ZFHX3: variants seen among roughly 807,000 people sequenced by gnomAD.
ZFHX3 encodes zinc finger homeobox protein 3.
In ZFHX3, 42 loss-of-function variants were observed where a neutral mutation model predicts 279.1. That is an observed-to-expected ratio of 0.15 (90% confidence interval 0.12 to 0.19). ZFHX3 has a LOEUF of 0.19. ZFHX3 is among the 10% of genes least tolerant of loss of function. ZFHX3 has a pLI of 1.00. For synonymous variants in ZFHX3, 2,293 were observed against 1,957.8 expected, an observed-to-expected ratio of 1.17 and a Z score of -4.52; for missense variants, 4,981 against 4,754.0, an observed-to-expected ratio of 1.05 and a Z score of -1.40.
chr16:73,173,325 C>G (rs1339835817), intron 5 of ZFHX3, among the ~76,000 whole-genome samples: 14 of 152,018 alleles, frequency 9.2e-5, no homozygotes, highest in Non-Finnish European at 1.5e-4. Flanking sequence ...GACGGCTTGT[C>G]GTTTCCACTT....
At chr16:73,703,444 G>A (rs560973819) in intron 1 of ZFHX3, among the ~76,000 whole-genome samples, 3 of 151,864 alleles carry the variant, frequency 2.0e-5, no homozygotes, top group African/African-American at 2.4e-5. Flanking sequence ...TAAAAAATAG[G>A]TTTGGTTGGT....
At chr16:72,815,405 C>CA (rs369741126) in intron 5 of ZFHX3, among the ~76,000 whole-genome samples, 11,305 of 92,904 alleles carry the variant, frequency 0.12, 1,024 homozygotes, top group East Asian at 0.35. Context: ...GAGACTGTCT[C>CA]AAAAAAAAAA....
chr16:73,648,344 C>T (rs993010569), intron 2 of ZFHX3, among the ~76,000 whole-genome samples: 6 of 152,080 alleles, frequency 3.9e-5, no homozygotes, highest in African/African-American at 1.4e-4. Context: ...CTAGAAAAAG[C>T]TGAGCTTTAA....
At chr16:73,333,912 G>T (rs1426390582) in intron 3 of ZFHX3, among the ~76,000 whole-genome samples, 1 of 151,116 alleles carries the variant, frequency 6.6e-6, no homozygotes, top group Non-Finnish European at 1.5e-5. Context: ...TATCCGGCAC[G>T]CTGAACATCC....
chr16:72,923,227 C>T (rs528303537), intron 3 of ZFHX3, among the ~76,000 whole-genome samples: 22 of 152,182 alleles, frequency 1.4e-4, no homozygotes, highest in Non-Finnish European at 2.6e-4. Flanking sequence ...ATCGATCGCT[C>T]GAGCCCAGGA....
chr16:73,837,397 T>A (rs994041593), intron 1 of ZFHX3, among the ~76,000 whole-genome samples: 2 of 152,366 alleles, frequency 1.3e-5, no homozygotes, highest in African/African-American at 4.8e-5. Context: ...CCCTAAGACC[T>A]ATTTATCTGC....
chr16:72,941,439 T>C (rs1175475078), intron 3 of ZFHX3, among the ~76,000 whole-genome samples: 1 of 152,216 alleles, frequency 6.6e-6, no homozygotes, highest in Non-Finnish European at 1.5e-5. Flanking sequence ...TATGAACAAA[T>C]TTCTAGGCTA....
At chr16:73,278,282 T>A (rs971388641) in intron 4 of ZFHX3, among the ~76,000 whole-genome samples, 4 of 152,218 alleles carry the variant, frequency 2.6e-5, no homozygotes, top group Non-Finnish European at 5.9e-5. Flanking sequence ...TTAATCAATT[T>A]TATCATTAGA....
rs374951800 is a variant in ZFHX3, at chr16:72,975,156, T to C, written c.-49-14962A>G. Among the ~76,000 whole-genome samples the C allele has an allele frequency of 2.6e-5, 4 of 152,184 alleles. No individual in the cohort carries two copies. The East Asian group carries it at 7.7e-4, about 29-fold the overall frequency. On this transcript the variant is annotated intron_variant, in intron 1 of 9. Transcript: ENST00000268489. The stretch of plus-strand genomic sequence containing the variant: ...CCAAATTCCAAAGCTTAAAACCCTA[T>C]CAGGGCCAGGTGTGGTGGCTCATAC...
chr16:73,093,349 G>C (rs1479427024), exon 8 of ZFHX3: 1 of 409,892 alleles, frequency 2.4e-6, no homozygotes, highest in Non-Finnish European at 4.8e-6. Context: ...CAGGCCAACA[G>C]ACGTCTGAAA....
intron 3 of ZFHX3, among the ~76,000 whole-genome samples, chr16:73,341,304 G>A (rs1054834002): frequency 2.0e-5 from 3 of 152,114 alleles, no homozygotes; most frequent in Admixed American, 1.3e-4. Context: ...TCGCAACACT[G>A]TACTCCAGCC....
intron 3 of ZFHX3, among the ~76,000 whole-genome samples, chr16:72,925,092 A>G (rs1467460388): frequency 6.6e-6 from 1 of 152,220 alleles, no homozygotes; most frequent in East Asian, 1.9e-4. Context: ...TGCCAGTGAT[A>G]CCTGGATACA....
chr16:73,181,580 T>C (rs947074832), intron 5 of ZFHX3, among the ~76,000 whole-genome samples: 4 of 152,178 alleles, frequency 2.6e-5, no homozygotes, highest in African/African-American at 9.7e-5. Context: ...GTCTCGGGGT[T>C]AAATTTTGCC....
intron 2 of ZFHX3, among the ~76,000 whole-genome samples, chr16:73,646,941 C>T (rs1238989990): frequency 4.6e-5 from 7 of 151,656 alleles, no homozygotes; most frequent in Non-Finnish European, 8.8e-5. Context: ...AACGTAATTA[C>T]GCAGGGAGAA....
intron 2 of ZFHX3, among the ~76,000 whole-genome samples, chr16:73,661,654 G>A (rs982086405): frequency 6.7e-6 from 1 of 149,026 alleles, no homozygotes; most frequent in Admixed American, 6.7e-5. Context: ...CCCGGGAGGT[G>A]AAGGTTGCAG....
rs944268525 is a variant in ZFHX3, at chr16:72,785,335, A to T, written c.*1829T>A. ...CCTTTTTTGCTTTCTGTACACTGCT[A>T]TCTGCTGCTTTGTTGGCTGCGCTCT... On this transcript the variant is annotated 3_prime_UTR_variant, in exon 10 of 10. Transcript: ENST00000268489. The T allele has an allele frequency of 6.5e-6, 1 of 152,772 alleles. No homozygotes were observed. Among genetic ancestry groups the T allele is most frequent in the Admixed American group, 6.5e-5 (1 of 15,302 alleles). 9.5% of individuals were successfully genotyped at this position (152,772 alleles called of 1,614,324 possible). A position where few individuals can be genotyped will look rare whatever the true frequency, so the allele number is the denominator to read the frequency against.
At chr16:73,034,309 T>G (rs1964820859) in intron 1 of ZFHX3, among the ~76,000 whole-genome samples, 1 of 151,962 alleles carries the variant, frequency 6.6e-6, no homozygotes, top group Non-Finnish European at 1.5e-5. Flanking sequence ...AAATAAACAC[T>G]AAGAGAAGAA....
chr16:73,049,379 C>T (rs1191235608), upstream of ZFHX3, among the ~76,000 whole-genome samples: 5 of 152,252 alleles, frequency 3.3e-5, no homozygotes, highest in South Asian at 2.1e-4. Flanking sequence ...GCTCATGAGG[C>T]GAAGAGCAGT....
chr16:73,000,167 C>T (rs1963441717), intron 1 of ZFHX3, among the ~76,000 whole-genome samples: 1 of 152,204 alleles, frequency 6.6e-6, no homozygotes, highest in African/African-American at 2.4e-5. Flanking sequence ...GCAGGCACCA[C>T]TGTCTGTCAA....
Sources: gnomAD v4.1 joint callset for allele counts (sites outside exome capture counted in the v4.1 genomes callset) on GRCh38, gnomAD v4.1.1 for gene constraint, MANE v1.5 for transcripts, NCBI Gene and HGNC (gene_info 2026-07-23, HGNC 2026-07-21) for gene names.